Variants in P2RY8 observed in about 807,000 individuals in gnomAD.
P2RY8 encodes P2Y receptor family member 8.
A neutral mutation model predicts 10.0 loss-of-function variants in P2RY8; 6 were observed. The observed-to-expected ratio is 0.60, with a 90% CI of 0.33 to 1.19. The LOEUF is 1.19. P2RY8 is among the 50% of genes most tolerant of loss of function. The pLI is 0.04. For synonymous variants in P2RY8, 276 were observed against 252.5 expected, an observed-to-expected ratio of 1.09 and a Z score of -0.88; for missense variants, 456 against 542.0, an observed-to-expected ratio of 0.84 and a Z score of 1.58.
intron 1 of P2RY8, among the ~76,000 whole-genome samples, chrX:1,527,652 A>G (rs1284237769): frequency 6.6e-6 from 1 of 151,628 alleles, no homozygotes; most frequent in Admixed American, 6.6e-5. Context: ...CCATCCAATC[A>G]TCCCTTCATT....
At chrX:1,482,462 G>C (rs1190134371) in intron 1 of P2RY8, among the ~76,000 whole-genome samples, 3 of 152,108 alleles carry the variant, frequency 2.0e-5, no homozygotes, top group African/African-American at 7.2e-5. Context: ...TAACAGATGA[G>C]AGAGAGGTGA....
chrX:1,530,768 T>A (rs1923070916), intron 1 of P2RY8, among the ~76,000 whole-genome samples: 1 of 151,172 alleles, frequency 6.6e-6, no homozygotes, highest in African/African-American at 2.4e-5. Context: ...TATATATCTA[T>A]CTAATTTACG....
intron 1 of P2RY8, among the ~76,000 whole-genome samples, chrX:1,522,708 C>G (rs1457775959): frequency 6.6e-6 from 1 of 151,720 alleles, no homozygotes; most frequent in Non-Finnish European, 1.5e-5. Context: ...GAGTTAGAGG[C>G]TGCAGTGAGC....
chrX:1,507,495 C>T (rs1424076865), intron 1 of P2RY8, among the ~76,000 whole-genome samples: 4 of 152,152 alleles, frequency 2.6e-5, no homozygotes, highest in African/African-American at 9.7e-5. Context: ...AGCTGTCGCT[C>T]ATATCCCCGG....
rs145540446 is a variant in P2RY8, at chrX:1,478,815, G to A, written c.-24-12233C>T. 5.1e-3 allele frequency among the ~76,000 whole-genome samples: 776 copies of A among 152,158 alleles called. 6 individuals are homozygous for A. The highest frequency in any genetic ancestry group is 0.018 in the African/African-American group (746 of 41,504). ...TATGTGAACATAGATAGCAGGGGCT[G>A]GGAAAACAGAGAAGCTAGGTGGTGG... is the stretch of plus-strand genomic sequence containing the variant. On this transcript the variant is annotated intron_variant, in intron 1 of 1. Coordinates refer to ENST00000381297, the MANE Select transcript of P2RY8 (RefSeq NM_178129.5).
chrX:1,482,577 C>T (rs1247502917), intron 1 of P2RY8, among the ~76,000 whole-genome samples: 1 of 152,070 alleles, frequency 6.6e-6, no homozygotes, highest in East Asian at 1.9e-4. Flanking sequence ...ATGGTAGTGC[C>T]TAGGTTTTCT....
At chrX:1,532,509 A>ATAT (rs1174985245) in intron 1 of P2RY8, among the ~76,000 whole-genome samples, 1 of 141,046 alleles carries the variant, frequency 7.1e-6, no homozygotes, top group Non-Finnish European at 1.5e-5. Flanking sequence ...ATATATGTAT[A>ATAT]GATGTATATG....
At chrX:1,516,360 A>G (rs371889825) in intron 1 of P2RY8, among the ~76,000 whole-genome samples, 1 of 151,666 alleles carries the variant, frequency 6.6e-6, no homozygotes, top group African/African-American at 2.4e-5. Flanking sequence ...GACGGTGTCT[A>G]CAAGCCCAGG....
chrX:1,524,513 C>A (rs1367830354), intron 1 of P2RY8, among the ~76,000 whole-genome samples: 1 of 145,902 alleles, frequency 6.9e-6, no homozygotes, highest in East Asian at 2.1e-4. Context: ...ATCCATCCAT[C>A]CATCCATCCA....
chrX:1,472,602 TTTAGA>T (rs374959607), intron 1 of P2RY8, among the ~76,000 whole-genome samples: 52,200 of 111,854 alleles, frequency 0.47, 12,351 homozygotes, highest in South Asian at 0.58. Context: ...TGGATCAGTG[TTTAGA>T]TAGGATGTGT....
At chrX:1,499,082 C>T (rs2092148958) in intron 1 of P2RY8, among the ~76,000 whole-genome samples, 1 of 152,046 alleles carries the variant, frequency 6.6e-6, no homozygotes, top group African/African-American at 2.4e-5. Flanking sequence ...ATCCACCCGC[C>T]TCAGCCTTCC....
intron 1 of P2RY8, among the ~76,000 whole-genome samples, chrX:1,518,926 G>T (rs1414793080): frequency 1.3e-5 from 2 of 150,412 alleles, no homozygotes; most frequent in African/African-American, 2.5e-5. Context: ...CATCTCCTTG[G>T]CCCCCAATAA....
At chrX:1,467,253 G>T (rs1222431571) in intron 1 of P2RY8, among the ~76,000 whole-genome samples, 3 of 152,082 alleles carry the variant, frequency 2.0e-5, no homozygotes, top group Admixed American at 6.6e-5. Flanking sequence ...TTTAACACCC[G>T]CGTCAACCCA....
intron 1 of P2RY8, among the ~76,000 whole-genome samples, chrX:1,470,312 G>T (rs1162305686): frequency 6.6e-6 from 1 of 152,124 alleles, no homozygotes; most frequent in Non-Finnish European, 1.5e-5. Context: ...AGGAGTTCAA[G>T]ACCAGCCTTC....
At chrX:1,499,158 C>CTTTTGTTTTT (rs1258712757) in intron 1 of P2RY8, among the ~76,000 whole-genome samples, 1 of 99,010 alleles carries the variant, frequency 1.0e-5, no homozygotes. Flanking sequence ...TTTTCTTTTT[C>CTTTTGTTTTT]TTTTCTTTTT....
chrX:1,509,722 C>CATCTATGTATCTATCTATGT (rs2092280400), intron 1 of P2RY8, among the ~76,000 whole-genome samples: 2 of 61,914 alleles, frequency 3.2e-5, no homozygotes, highest in African/African-American at 1.5e-4. Context: ...TCTATCTATG[C>CATCTATGTATCTATCTATGT]ATCTATGTAT....
chrX:1,471,605 C>T (rs1234282585), intron 1 of P2RY8, among the ~76,000 whole-genome samples: 6 of 152,028 alleles, frequency 3.9e-5, no homozygotes, highest in South Asian at 2.1e-4. Flanking sequence ...CCGCGCCTGG[C>T]GTGTTCCTGA....
chrX:1,486,918 G>A (rs36098415), intron 1 of P2RY8, among the ~76,000 whole-genome samples: 24,277 of 152,216 alleles, frequency 0.16, 2,564 homozygotes, highest in Non-Finnish European at 0.24. Flanking sequence ...AGAGAGCCCC[G>A]GTCACAGCCA....
chrX:1,519,729 C>G (rs1390995468), intron 1 of P2RY8, among the ~76,000 whole-genome samples: 1 of 152,068 alleles, frequency 6.6e-6, no homozygotes, highest in Non-Finnish European at 1.5e-5. Context: ...CCAATCATCT[C>G]CCTGGTCCCC....
Sources: gnomAD v4.1 joint callset for allele counts (sites outside exome capture counted in the v4.1 genomes callset) on GRCh38, gnomAD v4.1.1 for gene constraint, MANE v1.5 for transcripts, NCBI Gene and HGNC (gene_info 2026-07-23, HGNC 2026-07-21) for gene names.